RAD51B: variants seen among roughly 807,000 people sequenced by gnomAD.
RAD51B encodes the protein DNA repair protein RAD51 homolog 2.
In RAD51B, 38 loss-of-function variants were observed where a neutral mutation model predicts 42.2. The observed-to-expected ratio is 0.90, with a 90% CI of 0.70 to 1.18. RAD51B has a LOEUF of 1.18. Ranked by LOEUF, RAD51B falls within the 50% of genes most tolerant of loss-of-function variation. The probability of loss-of-function intolerance (pLI) is 0.00; values close to 1 mark genes in which losing one functional copy is unlikely to be tolerated. For synonymous variants in RAD51B, 154 were observed against 145.2 expected, an observed-to-expected ratio of 1.06 and a Z score of -0.43; for missense variants, 373 against 400.7, an observed-to-expected ratio of 0.93 and a Z score of 0.59.
At chr14:68,082,654 GC>G (rs35176783) in intron 7 of RAD51B, among the ~76,000 whole-genome samples, 34,678 of 151,834 alleles carry the variant, frequency 0.23, 4,623 homozygotes, top group African/African-American at 0.37. Context: ...TACATAAAAT[GC>G]TGCTTTTTTC....
chr14:68,376,486 G>A (rs1280598900), intron 8 of RAD51B, among the ~76,000 whole-genome samples: 2 of 152,246 alleles, frequency 1.3e-5, no homozygotes, highest in Non-Finnish European at 2.9e-5. Context: ...ATGGTCTGAT[G>A]TCAAGGAAGC....
intron 8 of RAD51B, among the ~76,000 whole-genome samples, chr14:68,371,342 C>G (rs1368452234): frequency 6.6e-6 from 1 of 151,950 alleles, no homozygotes; most frequent in Non-Finnish European, 1.5e-5. Context: ...CGTGGTGAAA[C>G]CCCGTCTCTA....
chr14:68,092,329 C>G (rs565914039), intron 7 of RAD51B, among the ~76,000 whole-genome samples: 11 of 152,258 alleles, frequency 7.2e-5, no homozygotes, highest in Admixed American at 3.9e-4. Context: ...TCCTATCCAT[C>G]AGCATGGAAT....
intron 1 of RAD51B, 31 bp from the exon 2 acceptor site, chr14:67,823,511 A>G: frequency 6.3e-7 from 1 of 1,591,440 alleles, no homozygotes. Context: ...TGTTTTTTTC[A>G]TGGTTCTTCT....
intron 5 of RAD51B, among the ~76,000 whole-genome samples, chr14:67,873,854 T>A (rs7157633): frequency 6.9e-6 from 1 of 144,554 alleles, no homozygotes; most frequent in East Asian, 2.0e-4. Context: ...AACCAGACAC[T>A]GCATATTCTC....
intron 7 of RAD51B, among the ~76,000 whole-genome samples, chr14:68,149,014 T>C (rs897359691): frequency 1.3e-5 from 2 of 152,220 alleles, no homozygotes; most frequent in African/African-American, 4.8e-5. Context: ...TGTTACTTCT[T>C]TGAAGAAGTG....
At chr14:68,454,542 T>C (rs952519067) in intron 9 of RAD51B, among the ~76,000 whole-genome samples, 21 of 152,210 alleles carry the variant, frequency 1.4e-4, no homozygotes, top group Admixed American at 1.3e-3. Flanking sequence ...CAATCTTTAT[T>C]TGTGGCATCT....
At chr14:68,082,472 G>GATATAT (rs35806526) in intron 7 of RAD51B, among the ~76,000 whole-genome samples, 1 of 149,384 alleles carries the variant, frequency 6.7e-6, no homozygotes, top group Non-Finnish European at 1.5e-5. Context: ...ATAGGAGAAA[G>GATATAT]ATATATATAT....
chr14:67,843,366 T>C (rs2041500514), intron 4 of RAD51B: 2 of 150,292 alleles, frequency 1.3e-5, no homozygotes, highest in African/African-American at 4.9e-5. Flanking sequence ...ATACTGGTCT[T>C]ATAGAATGAG....
intron 9 of RAD51B, 25 bp from the exon 10 acceptor site, chr14:68,468,147 C>A: frequency 6.2e-7 from 1 of 1,605,386 alleles, no homozygotes; most frequent in South Asian, 1.1e-5. Context: ...TTGACTAACC[C>A]TAGAAAAATG....
At chr14:68,540,760 C>G (rs1439530893) in intron 10 of RAD51B, 1 of 985,242 alleles carries the variant, frequency 1.0e-6, no homozygotes, top group Non-Finnish European at 1.2e-6. Flanking sequence ...GAAGAAATGA[C>G]AGCTTGTGAG....
chr14:68,650,461 A>G (rs17835116), intron 10 of RAD51B, among the ~76,000 whole-genome samples: 10,156 of 152,260 alleles, frequency 0.067, 454 homozygotes, highest in African/African-American at 0.11. Context: ...GGTGGGCAGA[A>G]AACTCAGTTT....
chr14:68,032,232 A>G (rs1439144476), intron 7 of RAD51B, among the ~76,000 whole-genome samples: 1 of 152,248 alleles, frequency 6.6e-6, no homozygotes, highest in South Asian at 2.1e-4. Flanking sequence ...AGGTCCTTGC[A>G]TTATTTTTAC....
At chr14:68,220,417 C>G (rs1010212127) in intron 7 of RAD51B, among the ~76,000 whole-genome samples, 2 of 152,156 alleles carry the variant, frequency 1.3e-5, no homozygotes, top group East Asian at 1.9e-4. Flanking sequence ...ATCCAGCATC[C>G]CTTTATGATT....
chr14:67,839,747 A>G (rs1171460271), intron 4 of RAD51B, among the ~76,000 whole-genome samples: 5 of 151,732 alleles, frequency 3.3e-5, no homozygotes, highest in South Asian at 2.1e-4. Context: ...CTTTGCTTCT[A>G]ACTTCTTAAA....
At chr14:68,567,038 G>A (rs889540761) in intron 10 of RAD51B, among the ~76,000 whole-genome samples, 4 of 152,062 alleles carry the variant, frequency 2.6e-5, no homozygotes, top group African/African-American at 7.2e-5. Context: ...GGTGGCTCAC[G>A]CCTATAATCC....
At chr14:68,200,575 G>T (rs1364707497) in intron 7 of RAD51B, among the ~76,000 whole-genome samples, 1 of 152,180 alleles carries the variant, frequency 6.6e-6, no homozygotes, top group Non-Finnish European at 1.5e-5. Context: ...CTCAAAGACA[G>T]CTTTAGTGAT....
chr14:68,615,954 T>C (rs1891817201), downstream of RAD51B, among the ~76,000 whole-genome samples: 1 of 152,188 alleles, frequency 6.6e-6, no homozygotes, highest in Non-Finnish European at 1.5e-5. Flanking sequence ...TTACTATTTG[T>C]TTTCTACTCA....
At chr14:68,552,806 T>C (rs1475710213) in intron 10 of RAD51B, among the ~76,000 whole-genome samples, 1 of 152,178 alleles carries the variant, frequency 6.6e-6, no homozygotes, top group East Asian at 1.9e-4. Context: ...TTCTAGTCCT[T>C]ACATGTGCAG....
Sources: allele counts gnomAD v4.1 joint callset (sites outside exome capture counted in the v4.1 genomes callset), GRCh38; gene constraint gnomAD v4.1.1; transcripts MANE v1.5; gene names NCBI Gene and HGNC (gene_info 2026-07-23, HGNC 2026-07-21).